Variants in SCFD2 observed in about 807,000 individuals in gnomAD.
The protein encoded by SCFD2 is sec1 family domain containing 2.
SCFD2 carries 54 observed loss-of-function variants against 58.9 expected under a neutral mutation model. The observed-to-expected ratio is 0.92, with a 90% CI of 0.74 to 1.15. The LOEUF (loss-of-function observed/expected upper bound fraction) is 1.15, where lower values mean the gene tolerates loss of function less well. SCFD2 is among the 50% of genes most tolerant of loss of function. SCFD2 has a pLI of 0.00. For synonymous variants in SCFD2, 321 were observed against 335.9 expected (o/e 0.96, Z 0.49); for missense variants, 805 against 836.6 (o/e 0.96, Z 0.47).
intron 5 of SCFD2, among the ~76,000 whole-genome samples, chr4:53,087,561 G>C (rs1297344541): frequency 1.1e-4 from 17 of 152,102 alleles, no homozygotes; most frequent in Admixed American, 1.0e-3. Context: ...TCGAATTCCT[G>C]ACCTCAGGTG....
intron 8 of SCFD2, among the ~76,000 whole-genome samples, chr4:52,880,375 G>C (rs1193045645): frequency 6.6e-6 from 1 of 151,762 alleles, no homozygotes; most frequent in African/African-American, 2.4e-5. Context: ...CCAGCACTTT[G>C]GGAGGGCAAG....
intron 5 of SCFD2, among the ~76,000 whole-genome samples, chr4:53,012,397 C>A (rs1046127682): frequency 1.3e-5 from 2 of 151,662 alleles, no homozygotes; most frequent in African/African-American, 4.8e-5. Context: ...CACACACACA[C>A]AAAAGGCAGG....
At chr4:53,102,723 G>A (rs1161816358) in intron 5 of SCFD2, among the ~76,000 whole-genome samples, 1 of 152,086 alleles carries the variant, frequency 6.6e-6, no homozygotes, top group African/African-American at 2.4e-5. Flanking sequence ...GCTTGTTGGT[G>A]AGGCTGAAGA....
chr4:52,958,613 C>T (rs938207283), intron 5 of SCFD2, among the ~76,000 whole-genome samples: 8 of 152,066 alleles, frequency 5.3e-5, no homozygotes, highest in African/African-American at 1.9e-4. Context: ...CCACCATAGG[C>T]ACAAGGAGAA....
chr4:53,033,585 GA>G (rs200900033), intron 5 of SCFD2, among the ~76,000 whole-genome samples: 2,247 of 152,066 alleles, frequency 0.015, 54 homozygotes, highest in African/African-American at 0.052. Flanking sequence ...GAATAATAAA[GA>G]AGAAAAGAGA....
rs540636181 is a variant in SCFD2 at position 53,132,847 on chromosome 4, G to T, written c.1561+12486C>A. Among the ~76,000 whole-genome samples, 171 of 152,256 alleles carry T rather than the reference G, an allele frequency of 1.1e-3. 2 individuals carry two copies. The highest frequency in any genetic ancestry group is 3.4e-3 in the Middle Eastern group (1 of 292). Reference sequence around the variant, plus strand: ...TTAAGGGACAATTTTTCAAGGAAAAGATTTTCAAAATCCTGAAAACTGTCT... The same window carrying T: ...TTAAGGGACAATTTTTCAAGGAAAATATTTTCAAAATCCTGAAAACTGTCT... On this transcript the variant is annotated intron_variant, in intron 5 of 8. Coordinates refer to ENST00000401642, the MANE Select transcript of SCFD2 (RefSeq NM_152540.4).
intron 5 of SCFD2, among the ~76,000 whole-genome samples, chr4:53,136,422 A>ACTC (rs1169634339): frequency 2.0e-5 from 3 of 152,104 alleles, no homozygotes; most frequent in African/African-American, 7.2e-5. Flanking sequence ...ATGCCTTATG[A>ACTC]CTCCTTTTAC....
At chr4:52,892,956 T>C (rs531121530) in intron 7 of SCFD2, among the ~76,000 whole-genome samples, 2 of 152,384 alleles carry the variant, frequency 1.3e-5, no homozygotes, top group East Asian at 3.9e-4. Context: ...CTTGAACTTA[T>C]GGATCATGTT....
At chr4:53,314,834 T>C (rs1187225384) in intron 2 of SCFD2, among the ~76,000 whole-genome samples, 1 of 152,238 alleles carries the variant, frequency 6.6e-6, no homozygotes, top group African/African-American at 2.4e-5. Flanking sequence ...TTTATTATCA[T>C]GTATCTTTCC....
At chr4:53,209,862 C>A (rs987159131) in intron 4 of SCFD2, among the ~76,000 whole-genome samples, 2 of 151,844 alleles carry the variant, frequency 1.3e-5, no homozygotes, top group South Asian at 2.1e-4. Flanking sequence ...AATCAGTAAA[C>A]CCTTTCTCAA....
chr4:52,918,639 A>G (rs986178512), intron 6 of SCFD2, among the ~76,000 whole-genome samples: 3 of 152,144 alleles, frequency 2.0e-5, no homozygotes, highest in Non-Finnish European at 2.9e-5. Flanking sequence ...AACCATTATA[A>G]ATTTTTCCTA....
At chr4:53,132,601 C>A (rs1005370530) in intron 5 of SCFD2, among the ~76,000 whole-genome samples, 3 of 152,154 alleles carry the variant, frequency 2.0e-5, no homozygotes, top group Non-Finnish European at 4.4e-5. Context: ...TAGTCAAAAT[C>A]CTTTCTGAAA....
chr4:52,999,203 G>T (rs1444134717), intron 5 of SCFD2, among the ~76,000 whole-genome samples: 1 of 152,184 alleles, frequency 6.6e-6, no homozygotes, highest in African/African-American at 2.4e-5. Context: ...CACCCTGATT[G>T]CCTATACCCT....
intron 3 of SCFD2, among the ~76,000 whole-genome samples, chr4:53,283,210 A>AT (rs780206451): frequency 6.6e-6 from 1 of 152,286 alleles, no homozygotes; most frequent in South Asian, 2.1e-4. Context: ...ACAACAGACC[A>AT]TTTTTTGTCT....
At chr4:53,225,173 T>C (rs1429243517) in intron 4 of SCFD2, among the ~76,000 whole-genome samples, 1 of 152,194 alleles carries the variant, frequency 6.6e-6, no homozygotes, top group Non-Finnish European at 1.5e-5. Context: ...ATAAAAAATA[T>C]AAACCTTTTC....
intron 4 of SCFD2, among the ~76,000 whole-genome samples, chr4:53,258,054 G>C (rs1438180937): frequency 6.6e-6 from 1 of 152,132 alleles, no homozygotes; most frequent in Non-Finnish European, 1.5e-5. Flanking sequence ...GGCCATAAAG[G>C]AAAGACTCAA....
chr4:53,113,011 T>C (rs1725215784), intron 5 of SCFD2, among the ~76,000 whole-genome samples: 1 of 152,138 alleles, frequency 6.6e-6, no homozygotes, highest in Non-Finnish European at 1.5e-5. Context: ...GCTCTTAGGA[T>C]GAATACTAAA....
At chr4:52,900,097 T>G (rs1020851942) in intron 7 of SCFD2, among the ~76,000 whole-genome samples, 1 of 152,174 alleles carries the variant, frequency 6.6e-6, no homozygotes, top group Non-Finnish European at 1.5e-5. Context: ...GGGTTTGAAC[T>G]TCCTCCTTTA....
intron 5 of SCFD2, among the ~76,000 whole-genome samples, chr4:52,972,465 C>A (rs951459678): frequency 6.6e-6 from 1 of 152,080 alleles, no homozygotes; most frequent in East Asian, 1.9e-4. Flanking sequence ...AAGAAGAGCT[C>A]ACTATCCTAA....
Sources: allele counts gnomAD v4.1 joint callset (sites outside exome capture counted in the v4.1 genomes callset), GRCh38; gene constraint gnomAD v4.1.1; transcripts MANE v1.5; gene names NCBI Gene and HGNC (gene_info 2026-07-23, HGNC 2026-07-21).